Variants in ERC2 observed in about 807,000 individuals in gnomAD.
The protein encoded by ERC2 is ELKS/RAB6-interacting/CAST family member 2, also known as ERC protein 2.
ERC2 carries 42 observed loss-of-function variants against 114.8 expected under a neutral mutation model. That is an observed-to-expected ratio of 0.37 (90% CI 0.29 to 0.47). The LOEUF (loss-of-function observed/expected upper bound fraction) is 0.47. ERC2 is among the 20% of genes least tolerant of loss of function. ERC2 has a pLI of 0.99. For missense variants in ERC2, 939 were observed against 1,150.7 expected (o/e 0.82, Z 2.66); for synonymous variants, 454 against 425.5 (o/e 1.07, Z -0.82).
chr3:56,423,035 A>G (rs2061442737), intron 2 of ERC2, among the ~76,000 whole-genome samples: 1 of 152,254 alleles, frequency 6.6e-6, no homozygotes, highest in African/African-American at 2.4e-5. Context: ...TTTCCTTACA[A>G]GATTGACACC....
intron 2 of ERC2, among the ~76,000 whole-genome samples, chr3:56,331,860 T>A (rs1349880570): frequency 6.6e-6 from 1 of 152,194 alleles, no homozygotes; most frequent in Non-Finnish European, 1.5e-5. Flanking sequence ...GCCTTTTGGA[T>A]CCCAAAAGCT....
At chr3:56,169,223 C>T (rs1042749275) in intron 4 of ERC2, among the ~76,000 whole-genome samples, 3 of 152,120 alleles carry the variant, frequency 2.0e-5, no homozygotes, top group African/African-American at 7.2e-5. Context: ...TTACTAAAAC[C>T]CTTATGTCAC....
intron 7 of ERC2, among the ~76,000 whole-genome samples, chr3:56,027,944 A>G (rs1204579956): frequency 2.0e-5 from 3 of 152,172 alleles, no homozygotes; most frequent in East Asian, 3.8e-4. Context: ...ATTTAAGTAC[A>G]TGATCTACTT....
intron 3 of ERC2, among the ~76,000 whole-genome samples, chr3:56,204,496 A>ATTTTATTTTG (rs2048594041): frequency 1.3e-5 from 2 of 148,874 alleles, no homozygotes; most frequent in African/African-American, 4.9e-5. Flanking sequence ...ATTTTATTTT[A>ATTTTATTTTG]TTTTATTTTA....
At chr3:55,640,484 T>C (rs758002792) in intron 17 of ERC2, among the ~76,000 whole-genome samples, 14 of 152,272 alleles carry the variant, frequency 9.2e-5, no homozygotes, top group Non-Finnish European at 1.8e-4. Context: ...AATACATCTA[T>C]AAGGCTGGCC....
chr3:56,068,407 T>G (rs1002215541), intron 7 of ERC2, among the ~76,000 whole-genome samples: 1 of 152,124 alleles, frequency 6.6e-6, no homozygotes, highest in African/African-American at 2.4e-5. Flanking sequence ...TTTTTTATTA[T>G]GTCTATTTGA....
At chr3:55,823,295 C>T (rs2060199820) in intron 14 of ERC2, among the ~76,000 whole-genome samples, 1 of 152,222 alleles carries the variant, frequency 6.6e-6, no homozygotes, top group African/African-American at 2.4e-5. Context: ...GGACCACATG[C>T]AATGTTCTTT....
intron 1 of ERC2, among the ~76,000 whole-genome samples, chr3:56,459,495 T>C (rs1411264292): frequency 6.6e-6 from 1 of 150,976 alleles, no homozygotes; most frequent in East Asian, 2.0e-4. Context: ...TGGAAAGTAT[T>C]AAGACAGGAA....
At chr3:55,686,215 G>T (rs189985162) in intron 16 of ERC2, among the ~76,000 whole-genome samples, 285 of 152,278 alleles carry the variant, frequency 1.9e-3, no homozygotes, top group Admixed American at 6.0e-3. Flanking sequence ...CATCTTGTAT[G>T]CTAGTGAATA....
intron 17 of ERC2, among the ~76,000 whole-genome samples, chr3:55,526,777 G>T (rs763747909): frequency 2.0e-5 from 3 of 152,204 alleles, no homozygotes; most frequent in Admixed American, 6.5e-5. Flanking sequence ...TCTTCACGGG[G>T]CCTTGGTGCA....
chr3:55,899,632 A>T (rs377277610), intron 13 of ERC2, among the ~76,000 whole-genome samples: 1 of 152,192 alleles, frequency 6.6e-6, no homozygotes, highest in South Asian at 2.1e-4. Context: ...GATTTAACGT[A>T]AAGGAAAGAT....
intron 14 of ERC2, among the ~76,000 whole-genome samples, chr3:55,817,980 C>T (rs145449202): frequency 1.9e-3 from 286 of 152,318 alleles, no homozygotes; most frequent in Middle Eastern, 3.4e-3. Flanking sequence ...TTGGCCTCTC[C>T]TTATTGACCT....
intron 12 of ERC2, among the ~76,000 whole-genome samples, chr3:55,985,479 G>A (rs2070537404): frequency 6.6e-6 from 1 of 152,152 alleles, no homozygotes; most frequent in Admixed American, 6.5e-5. Context: ...TTTCAAAAGT[G>A]ACTTTTTAAA....
intron 7 of ERC2, among the ~76,000 whole-genome samples, chr3:56,066,160 T>A (rs1235534793): frequency 1.3e-5 from 2 of 152,160 alleles, no homozygotes; most frequent in African/African-American, 4.8e-5. Context: ...TACATTCCCA[T>A]CAACACTGTA....
chr3:56,011,292 G>A (rs2072914105), intron 8 of ERC2, among the ~76,000 whole-genome samples: 3 of 152,254 alleles, frequency 2.0e-5, no homozygotes, highest in South Asian at 2.1e-4. Flanking sequence ...CTACATGCTA[G>A]GCACTGTGAT....
chr3:55,632,695 T>C (rs2059805063), intron 17 of ERC2, among the ~76,000 whole-genome samples: 1 of 152,222 alleles, frequency 6.6e-6, no homozygotes, highest in Non-Finnish European at 1.5e-5. Context: ...TAAACCATCA[T>C]TACATCATAA....
intron 14 of ERC2, among the ~76,000 whole-genome samples, chr3:55,826,838 G>C (rs1374410090): frequency 6.6e-6 from 1 of 152,174 alleles, no homozygotes; most frequent in Non-Finnish European, 1.5e-5. Flanking sequence ...ATTTAAAATA[G>C]CTTTCAAATG....
Position 55,814,756 on chromosome 3 carries a change from A to C in ERC2, c.2564+73633T>G, listed in dbSNP as rs183287893. Among the ~76,000 whole-genome samples the C allele has an allele frequency of 8.5e-5, 13 of 152,342 alleles. No homozygotes were observed. In the East Asian group the frequency reaches 1.5e-3, roughly 18 times the overall value. On this transcript the variant is annotated intron_variant, in intron 14 of 17. Coordinates refer to ENST00000288221, the MANE Select transcript of ERC2 (RefSeq NM_015576.3). ...CACTCTTCTCCATGTTCCACATGAA[A>C]GCATTTTTCCTGACCCTCTACTCCT...
chr3:55,611,286 C>T (rs557526109), intron 17 of ERC2, among the ~76,000 whole-genome samples: 1 of 152,268 alleles, frequency 6.6e-6, no homozygotes, highest in South Asian at 2.1e-4. Context: ...GGAAGGAGGG[C>T]TTTGAGTTAG....
Sources: allele counts gnomAD v4.1 joint callset (sites outside exome capture counted in the v4.1 genomes callset), GRCh38; gene constraint gnomAD v4.1.1; transcripts MANE v1.5; gene names NCBI Gene and HGNC (gene_info 2026-07-23, HGNC 2026-07-21).